The following NDST4 variants were observed in gnomAD, a reference collection of about 807,000 sequenced individuals.
The protein encoded by NDST4 is N-heparan sulfate sulfotransferase 4.
In NDST4, 63 loss-of-function variants were observed where a neutral mutation model predicts 100.8. The observed-to-expected ratio is 0.62, with a 90% CI of 0.51 to 0.77. The LOEUF (loss-of-function observed/expected upper bound fraction) is 0.77, where lower values mean the gene tolerates loss of function less well. NDST4 is among the 30% of genes least tolerant of loss of function. The pLI, the probability that NDST4 is intolerant of heterozygous loss-of-function variation, is 0.00. For synonymous variants in NDST4, 377 were observed against 361.8 expected (o/e 1.04, Z -0.48); for missense variants, 943 against 1,018.4 (o/e 0.93, Z 1.01).
At chr4:114,906,109 A>T (rs1724943262) in intron 6 of NDST4, among the ~76,000 whole-genome samples, 1 of 152,024 alleles carries the variant, frequency 6.6e-6, no homozygotes, top group South Asian at 2.1e-4. Context: ...GAGTCATAAC[A>T]TAATTAACTA....
intron 2 of NDST4, among the ~76,000 whole-genome samples, chr4:115,017,531 T>C (rs750870989): frequency 1.3e-5 from 2 of 152,080 alleles, no homozygotes; most frequent in Non-Finnish European, 2.9e-5. Context: ...TATCATCTTC[T>C]GCCACCTGGC....
At chr4:114,879,760 C>G (rs981375036) in intron 6 of NDST4, among the ~76,000 whole-genome samples, 4 of 152,120 alleles carry the variant, frequency 2.6e-5, no homozygotes, top group Non-Finnish European at 5.9e-5. Context: ...AATTGCCTTC[C>G]AATTATTCCC....
chr4:114,878,830 T>C (rs1183910796), intron 6 of NDST4, among the ~76,000 whole-genome samples: 1 of 151,928 alleles, frequency 6.6e-6, no homozygotes, highest in African/African-American at 2.4e-5. Flanking sequence ...TTATTTTATT[T>C]ATATCTAATA....
At chr4:115,100,862 G>T (rs1578521643) in intron 1 of NDST4, among the ~76,000 whole-genome samples, 1 of 148,748 alleles carries the variant, frequency 6.7e-6, no homozygotes. Flanking sequence ...CTATTGTACT[G>T]ATAATTAACC....
chr4:114,952,744 A>G (rs749839229), intron 4 of NDST4, among the ~76,000 whole-genome samples: 4 of 152,052 alleles, frequency 2.6e-5, no homozygotes, highest in African/African-American at 4.8e-5. Flanking sequence ...ATGGGTAAAA[A>G]CCTTATCTAT....
intron 2 of NDST4, among the ~76,000 whole-genome samples, chr4:115,075,037 A>C (rs888870755): frequency 6.6e-6 from 1 of 152,094 alleles, no homozygotes; most frequent in African/African-American, 2.4e-5. Context: ...AGTGTAACAT[A>C]TTGGCTTTAT....
intron 7 of NDST4, among the ~76,000 whole-genome samples, chr4:114,856,057 CCTTT>C (rs1182691576): frequency 6.6e-6 from 1 of 151,506 alleles, no homozygotes; most frequent in Non-Finnish European, 1.5e-5. Context: ...CCCTTCCTTT[CCTTT>C]CTTTCTTTCT....
chr4:114,986,832 A>ATATATATATATATTTTTTTTTT, intron 2 of NDST4, among the ~76,000 whole-genome samples: 37 of 94,648 alleles, frequency 3.9e-4, no homozygotes, highest in Non-Finnish European at 6.3e-4. Context: ...ATATATATAT[A>ATATATATATATATTTTTTTTTT]TTTTAATATA....
intron 2 of NDST4, among the ~76,000 whole-genome samples, chr4:115,057,032 A>G (rs1728709778): frequency 6.6e-6 from 1 of 152,140 alleles, no homozygotes; most frequent in Non-Finnish European, 1.5e-5. Flanking sequence ...CCCCAAACAT[A>G]CATGCTCGTG....
intron 6 of NDST4, among the ~76,000 whole-genome samples, chr4:114,903,213 C>T (rs1302065668): frequency 6.6e-6 from 1 of 152,028 alleles, no homozygotes; most frequent in African/African-American, 2.4e-5. Flanking sequence ...TCCAATAAGC[C>T]CCCTTCAGGT....
At chr4:115,005,503 C>G (rs141662928) in intron 2 of NDST4, among the ~76,000 whole-genome samples, 2 of 152,040 alleles carry the variant, frequency 1.3e-5, no homozygotes, top group Non-Finnish European at 2.9e-5. Context: ...AGAGGAAGAA[C>G]TAGGAGGCCC....
chr4:115,099,021 G>A (rs953421422), intron 1 of NDST4, among the ~76,000 whole-genome samples: 2 of 152,204 alleles, frequency 1.3e-5, no homozygotes, highest in African/African-American at 4.8e-5. Context: ...AAGTATCTTT[G>A]ACAAAAGAAC....
chr4:115,082,602 A>G (rs140915439), intron 1 of NDST4, among the ~76,000 whole-genome samples: 4 of 152,328 alleles, frequency 2.6e-5, no homozygotes, highest in Non-Finnish European at 5.9e-5. Flanking sequence ...AACGACGTTT[A>G]CCAGCATTTA....
At chr4:115,043,784 A>T (rs1431552531) in intron 2 of NDST4, among the ~76,000 whole-genome samples, 1 of 152,168 alleles carries the variant, frequency 6.6e-6, no homozygotes, top group East Asian at 1.9e-4. Context: ...TTCCTGGCAT[A>T]CATTAAATGT....
chr4:115,064,410 C>T (rs948247789), intron 2 of NDST4, among the ~76,000 whole-genome samples: 3 of 151,950 alleles, frequency 2.0e-5, no homozygotes, highest in African/African-American at 7.2e-5. Flanking sequence ...ATACAACACC[C>T]TAAGTTTAGG....
In NDST4 at chr4:114,885,323, T is replaced by C. The variant is rs1159225709; in HGVS notation, c.1537-14373A>G. Among the ~76,000 whole-genome samples, 3 of 152,150 alleles carry C rather than the reference T, an allele frequency of 2.0e-5. No homozygotes were observed. The East Asian group carries it at 5.8e-4, about 29-fold the overall frequency. ...GCTGACAGTCTACCATTACAGATTA[T>C]AGTCTGCTATTATAGATTAAAAAGC... On this transcript the variant is annotated intron_variant, in intron 6 of 13. Coordinates refer to ENST00000264363, the MANE Select transcript of NDST4 (RefSeq NM_022569.3).
intron 1 of NDST4, among the ~76,000 whole-genome samples, chr4:115,085,607 A>T (rs1729394138): frequency 6.6e-6 from 1 of 151,946 alleles, no homozygotes; most frequent in Non-Finnish European, 1.5e-5. Flanking sequence ...ACAAAATCTG[A>T]CTGTTTTATA....
intron 2 of NDST4, among the ~76,000 whole-genome samples, chr4:115,057,704 A>ACG (rs1560583520): frequency 2.6e-3 from 120 of 46,950 alleles, no homozygotes; most frequent in Non-Finnish European, 4.5e-3. Context: ...GTGCGCACGC[A>ACG]CACACACACA....
In NDST4 at chr4:114,990,674, T is replaced by G. The variant is rs888990837; in HGVS notation, c.979-13400A>C. Among the ~76,000 whole-genome samples the G allele has an allele frequency of 1.1e-4, 17 of 152,268 alleles. No homozygotes were observed. In the East Asian group the frequency reaches 3.3e-3, roughly 29 times the overall value. ...GCATGTATCAAGCAAGACAGATATA[T>G]TTCTACAATATCTTTGTTAATAACT... is the stretch of plus-strand genomic sequence containing the variant. On this transcript the variant is annotated intron_variant, in intron 2 of 13. Coordinates refer to ENST00000264363, the MANE Select transcript of NDST4 (RefSeq NM_022569.3).
Sources: allele counts gnomAD v4.1 joint callset (sites outside exome capture counted in the v4.1 genomes callset), GRCh38; gene constraint gnomAD v4.1.1; transcripts MANE v1.5; gene names NCBI Gene and HGNC (gene_info 2026-07-23, HGNC 2026-07-21).